Variants in DNAJC6 observed in about 807,000 individuals in gnomAD.
DNAJC6 encodes auxilin.
Under a neutral mutation model 110.0 loss-of-function variants are expected in DNAJC6, and 34 were observed. The ratio of observed to expected loss-of-function variants is 0.31; its 90% confidence interval spans 0.24 to 0.41. The LOEUF is 0.41. Among genes scored for constraint, DNAJC6 ranks in the 10% least tolerant of loss-of-function variants. DNAJC6 has a pLI of 1.00. For missense variants in DNAJC6, 1,031 were observed against 1,207.8 expected (o/e 0.85, Z 2.17); for synonymous variants, 406 against 437.2 (o/e 0.93, Z 0.89).
At position 65,411,307 on chromosome 1, in the gene DNAJC6, C is replaced by G; in HGVS notation, c.2692C>G (p.His898Asp). 1.9e-6 allele frequency: 3 copies of G among 1,614,092 alleles called. No individual in the cohort carries two copies. Among genetic ancestry groups the G allele is most frequent in the Non-Finnish European group, 2.5e-6 (3 of 1,179,964 alleles). ...RNIRALLSTM[H>D]TVLWAGETKW... Reference sequence around the variant, plus strand: ...TATCAGAGCCCTTCTTTCCACGATGCATACCGTACTATGGGCTGGGGAGAC... The same window carrying G: ...TATCAGAGCCCTTCTTTCCACGATGGATACCGTACTATGGGCTGGGGAGAC... Residue 898 changes from histidine to aspartate, a missense_variant, in exon 18 of 19, where the codon CAT becomes GAT. His to Asp is a moderately conservative substitution (Grantham distance 81, BLOSUM62 -1). Coordinates refer to ENST00000371069, the MANE Select transcript of DNAJC6 (RefSeq NM_001256864.2).
upstream of DNAJC6, chr1:65,306,606 G>T (rs1351373892): frequency 6.6e-6 from 1 of 152,160 alleles, no homozygotes; most frequent in Non-Finnish European, 1.5e-5. Context: ...CAAGAGAAAA[G>T]ACAAAGGGAA....
At chr1:65,299,997 G>A (rs12401667) in intron 1 of DNAJC6, among the ~76,000 whole-genome samples, 67,407 of 143,422 alleles carry the variant, frequency 0.47, 15,298 homozygotes, top group East Asian at 0.54. Context: ...TCAAGATTGC[G>A]CCACTGCACT....
upstream of DNAJC6, among the ~76,000 whole-genome samples, chr1:65,308,653 T>C (rs1645066647): frequency 1.3e-5 from 2 of 152,144 alleles, no homozygotes. Flanking sequence ...TTGGCCAGAA[T>C]TGTGAAAGAA....
chr1:65,379,609 T>G, intron 5 of DNAJC6, 85 bp downstream of exon 5: 2 of 1,526,424 alleles, frequency 1.3e-6, no homozygotes, highest in Non-Finnish European at 1.8e-6. Context: ...CAGGTAACAT[T>G]TGAGTTCAAT....
chr1:65,401,851 T>C lies in DNAJC6; in HGVS notation c.2198T>C (p.Leu733Pro). The change falls in exon 15 of 19, where the codon CTG (leucine) becomes CCG (proline). Residue 733 changes from leucine to proline, a missense_variant. Coordinates refer to ENST00000371069, the MANE Select transcript of DNAJC6 (RefSeq NM_001256864.2). ...TPTHQSKPQT[L>P]DPFADLGTLG... is the part of the protein sequence containing the mutation. ...ACCCATCAAAGCAAACCCCAGACTC[T>C]GGATCCTTTTGCCGACCTTGGGACA... 1 of 1,613,750 alleles carries C rather than the reference T, an allele frequency of 6.2e-7. No individual in the cohort carries two copies. The highest frequency in any genetic ancestry group is 8.5e-7 in the Non-Finnish European group (1 of 1,179,920).
At chr1:65,396,944 T>A (rs1645984934) in intron 13 of DNAJC6, among the ~76,000 whole-genome samples, 2 of 152,192 alleles carry the variant, frequency 1.3e-5, no homozygotes, top group African/African-American at 4.8e-5. Context: ...TTTAATACTT[T>A]GAAATTATTG....
At chr1:65,400,477 C>T (rs1416306363) in intron 14 of DNAJC6, among the ~76,000 whole-genome samples, 1 of 152,126 alleles carries the variant, frequency 6.6e-6, no homozygotes. Flanking sequence ...CCTCCTCATC[C>T]CTGCCCTACC....
chr1:65,312,835 T>C lies in DNAJC6; in HGVS notation c.193+2897T>C, dbSNP rs1645113636. On this transcript the variant is annotated intron_variant, in intron 1 of 18. Transcript: ENST00000371069. ...CTTTTCTTTTCTAGACAGATAGCTCTGTCACCCAGGCTGGAGTGCAGTGGT... is the reference window on the plus strand; with the variant it reads ...CTTTTCTTTTCTAGACAGATAGCTCCGTCACCCAGGCTGGAGTGCAGTGGT... 2.0e-5 allele frequency among the ~76,000 whole-genome samples: 3 copies of C among 152,226 alleles called. No individual in the cohort carries two copies. The South Asian group carries it at 6.2e-4, about 32-fold the overall frequency.
intron 1 of DNAJC6, among the ~76,000 whole-genome samples, chr1:65,352,074 A>G (rs1171221988): frequency 6.6e-6 from 1 of 152,074 alleles, no homozygotes; most frequent in South Asian, 2.1e-4. Flanking sequence ...CCTTATAAAC[A>G]TTTTCAATAT....
chr1:65,272,013 A>G (rs1406631081), intron 1 of DNAJC6, among the ~76,000 whole-genome samples: 1 of 152,176 alleles, frequency 6.6e-6, no homozygotes, highest in Non-Finnish European at 1.5e-5. Flanking sequence ...TCTGTAAATA[A>G]TGACAGCTTT....
At chr1:65,302,112 A>C (rs1376318903) in intron 1 of DNAJC6, among the ~76,000 whole-genome samples, 1 of 50,486 alleles carries the variant, frequency 2.0e-5, no homozygotes, top group Non-Finnish European at 2.9e-5. Flanking sequence ...TATATAATAT[A>C]TATATATATA....
chr1:65,356,633 C>A (rs993283777), intron 1 of DNAJC6, among the ~76,000 whole-genome samples: 1 of 151,376 alleles, frequency 6.6e-6, no homozygotes, highest in East Asian at 1.9e-4. Context: ...AATTTCTGGT[C>A]ATTTTAGAAG....
In DNAJC6 at chr1:65,319,630, AAAAAAAC is replaced by A. The variant is rs769524076; in HGVS notation, c.193+9713_193+9719del. Among the ~76,000 whole-genome samples, 150 of 151,946 alleles carry A rather than the reference AAAAAAAC, an allele frequency of 9.9e-4. 1 individual carries two copies. The highest frequency in any genetic ancestry group is 3.2e-3 in the African/African-American group (131 of 41,486). On this transcript the variant is annotated intron_variant, in intron 1 of 18. Transcript: ENST00000371069. Reference sequence around the variant, plus strand: ...TTTTCAGAATTCTCTGGAAAAAATAAAAAAAACAAAAAACAAAAAACAAAAAAACCAA... The same window carrying A: ...TTTTCAGAATTCTCTGGAAAAAATAAAAAAAACAAAAAACAAAAAAACCAA...
At chr1:65,319,902 C>T (rs1645182630) in intron 1 of DNAJC6, among the ~76,000 whole-genome samples, 1 of 152,148 alleles carries the variant, frequency 6.6e-6, no homozygotes, top group Non-Finnish European at 1.5e-5. Flanking sequence ...CTCTTGTACT[C>T]ATCTGCTCCC....
At chr1:65,283,986 A>G (rs892074241) in intron 1 of DNAJC6, among the ~76,000 whole-genome samples, 1 of 151,570 alleles carries the variant, frequency 6.6e-6, no homozygotes, top group East Asian at 1.9e-4. Context: ...ACCTCCTCCT[A>G]CCTCCATGAC....
chr1:65,368,571 T>C (rs981579357), intron 4 of DNAJC6, among the ~76,000 whole-genome samples: 1 of 137,040 alleles, frequency 7.3e-6, no homozygotes, highest in African/African-American at 3.2e-5. Context: ...CTTCCTTCTT[T>C]CCTCTTCTTC....
At chr1:65,307,014 CTCTCTATATA>C (rs1276553389), upstream of DNAJC6, among the ~76,000 whole-genome samples, 570 of 75,832 alleles carry the variant, frequency 7.5e-3, 1 homozygote, top group Non-Finnish European at 0.01. Flanking sequence ...CTCTCTCTCT[CTCTCTATATA>C]TATATATATA....
intron 1 of DNAJC6, among the ~76,000 whole-genome samples, chr1:65,364,175 C>T (rs1465183018): frequency 6.6e-6 from 1 of 152,016 alleles, no homozygotes; most frequent in African/African-American, 2.4e-5. Context: ...TAAAAAGGAG[C>T]AGGTGAAATT....
At chr1:65,388,083 C>T (rs1276499475) in intron 8 of DNAJC6, among the ~76,000 whole-genome samples, 2 of 152,056 alleles carry the variant, frequency 1.3e-5, no homozygotes, top group African/African-American at 2.4e-5. Flanking sequence ...TGCAATGAGT[C>T]GAAGTATGCC....
Sources: allele counts gnomAD v4.1 joint callset (sites outside exome capture counted in the v4.1 genomes callset), GRCh38; gene constraint gnomAD v4.1.1; transcripts MANE v1.5; gene names NCBI Gene and HGNC (gene_info 2026-07-23, HGNC 2026-07-21).